The following RXFP1 variants were observed in gnomAD, a reference collection of about 807,000 sequenced individuals.
RXFP1 encodes the protein relaxin receptor 1.
A neutral mutation model predicts 89.8 loss-of-function variants in RXFP1; 73 were observed. That is an observed-to-expected ratio of 0.81 (90% CI 0.67 to 0.99). The LOEUF (loss-of-function observed/expected upper bound fraction) is 0.99. RXFP1 is among the 50% of genes least tolerant of loss of function. The pLI is 0.00. For missense variants in RXFP1, 793 were observed against 895.5 expected (o/e 0.89, Z 1.46); for synonymous variants, 277 against 305.5 (o/e 0.91, Z 0.97).
At position 158,646,787 on chromosome 4, in the gene RXFP1, C is replaced by G; in HGVS notation, c.1346-4C>G. ...CTAAATTTGTGAAACTATGACTCCT[C>G]TAGGTGCCGACTGCTTAATGGGAAT... On this transcript the variant is annotated splice_polypyrimidine_tract_variant and splice_region_variant and intron_variant, in intron 15 of 17. Coordinates refer to ENST00000307765, the MANE Select transcript of RXFP1 (RefSeq NM_021634.4). 1.3e-6 allele frequency: 2 copies of G among 1,589,858 alleles called. No homozygotes were observed. Among genetic ancestry groups the G allele is most frequent in the East Asian group, 4.5e-5 (2 of 44,538 alleles).
At chr4:158,571,675 G>GA (rs200909710) in intron 1 of RXFP1, among the ~76,000 whole-genome samples, 20 of 150,250 alleles carry the variant, frequency 1.3e-4, no homozygotes, top group South Asian at 6.3e-4. Flanking sequence ...AAAGAAAAAA[G>GA]AAAAAAAAAT....
chr4:158,633,316 A>G, intron 11 of RXFP1, 89 bp from the exon 12 acceptor site: 1 of 826,100 alleles, frequency 1.2e-6, no homozygotes. Context: ...GCATTGTTGA[A>G]AAGTTGTATA....
intron 1 of RXFP1, among the ~76,000 whole-genome samples, chr4:158,556,010 A>G (rs947718201): frequency 6.6e-6 from 1 of 152,324 alleles, no homozygotes; most frequent in Non-Finnish European, 1.5e-5. Flanking sequence ...ACTTCACCAC[A>G]TTGGGCTTGG....
chr4:158,568,265 A>G (rs1754180426), intron 1 of RXFP1, among the ~76,000 whole-genome samples: 1 of 152,256 alleles, frequency 6.6e-6, no homozygotes. Context: ...AGTGAGACCA[A>G]GAACCCACCA....
At chr4:158,608,760 G>A (rs1280012108) in intron 6 of RXFP1, among the ~76,000 whole-genome samples, 1 of 151,916 alleles carries the variant, frequency 6.6e-6, no homozygotes, top group East Asian at 1.9e-4. Flanking sequence ...CTCCATATTT[G>A]TTGAATAATA....
chr4:158,635,272 C>A (rs765325588), intron 12 of RXFP1, among the ~76,000 whole-genome samples: 2 of 152,040 alleles, frequency 1.3e-5, no homozygotes, highest in Non-Finnish European at 2.9e-5. Flanking sequence ...GTATATTATT[C>A]TTTTGATGCT....
chr4:158,567,032 C>T (rs1054870126), intron 1 of RXFP1, among the ~76,000 whole-genome samples: 6 of 152,298 alleles, frequency 3.9e-5, no homozygotes, highest in African/African-American at 7.2e-5. Context: ...GGCCAGCACT[C>T]GGAGTGGCCG....
chr4:158,577,337 C>G, intron 2 of RXFP1, among the ~76,000 whole-genome samples: 2 of 152,226 alleles, frequency 1.3e-5, no homozygotes, highest in East Asian at 3.9e-4. Flanking sequence ...CGCACCTGAT[C>G]GGCTGTTCAT....
In RXFP1 at chr4:158,647,077, C is replaced by T. The variant is rs772488242; in HGVS notation, c.1632C>T (p.Phe544=). Residue 544 remains phenylalanine (F), a synonymous_variant, in exon 16 of 18, where the codon TTC becomes TTT. Transcript: ENST00000307765. Reference sequence around the variant, plus strand: ...GGATTACTGGTTTTATAGTGGCTTTCATTCCATTGAGCAATAAGGAATTTT... The same window carrying T: ...GGATTACTGGTTTTATAGTGGCTTTTATTCCATTGAGCAATAAGGAATTTT... ...LIWITGFIVA[F]IPLSNKEFFK... 1.2e-6 allele frequency: 2 copies of T among 1,614,022 alleles called. No individual in the cohort carries two copies. The highest frequency in any genetic ancestry group is 1.7e-5 in the Admixed American group (1 of 60,012).
Position 158,637,206 on chromosome 4 carries a change from G to A in RXFP1, c.972-802G>A, listed in dbSNP as rs1335757048. Among the ~76,000 whole-genome samples, 4 of 152,070 alleles carry A rather than the reference G, an allele frequency of 2.6e-5. No homozygotes were observed. The East Asian group carries it at 5.8e-4, about 22-fold the overall frequency. Reference sequence around the variant, plus strand: ...TATGAATAATGCTGCAATGAATATGGGAGTACAGAAATCTCTTTAATATAC... The same window carrying A: ...TATGAATAATGCTGCAATGAATATGAGAGTACAGAAATCTCTTTAATATAC... On this transcript the variant is annotated intron_variant, in intron 12 of 17. Coordinates refer to ENST00000307765, the MANE Select transcript of RXFP1 (RefSeq NM_021634.4).
intron 1 of RXFP1, among the ~76,000 whole-genome samples, chr4:158,523,594 G>C (rs1741714565): frequency 1.3e-5 from 2 of 152,134 alleles, no homozygotes; most frequent in African/African-American, 4.8e-5. Flanking sequence ...TGTAAGTTGA[G>C]AGCTCCAAGT....
Position 158,640,685 on chromosome 4 carries a change from C to A in RXFP1, c.1115+1354C>A, listed in dbSNP as rs868107959. ...CCCCACCTCCAACATTGGGAATCAA[C>A]TTTTGACATGAGATTTGGAGTAGAC... On this transcript the variant is annotated intron_variant, in intron 14 of 17. Transcript: ENST00000307765. 1.2e-4 allele frequency among the ~76,000 whole-genome samples: 18 copies of A among 152,156 alleles called. 1 individual carries two copies. Among genetic ancestry groups the A allele is most frequent in the African/African-American group, 4.3e-4 (18 of 41,436 alleles).
chr4:158,647,258 T>G, intron 16 of RXFP1, 57 bp downstream of exon 16: 1 of 1,388,700 alleles, frequency 7.2e-7, no homozygotes, highest in South Asian at 1.4e-5. Context: ...TCCAACCAGT[T>G]TTTGTTAGTA....
chr4:158,640,687 T>C (rs1208707764), intron 14 of RXFP1, among the ~76,000 whole-genome samples: 1 of 152,156 alleles, frequency 6.6e-6, no homozygotes, highest in African/African-American at 2.4e-5. Context: ...GGAATCAACT[T>C]TTGACATGAG....
At chr4:158,619,328 G>A (rs1765165225) in intron 9 of RXFP1, among the ~76,000 whole-genome samples, 1 of 152,112 alleles carries the variant, frequency 6.6e-6, no homozygotes, top group African/African-American at 2.4e-5. Flanking sequence ...TAATTTTGTG[G>A]AGCCCATCAG....
intron 2 of RXFP1, among the ~76,000 whole-genome samples, chr4:158,581,903 C>A (rs978434701): frequency 4.6e-5 from 7 of 152,188 alleles, no homozygotes; most frequent in African/African-American, 1.7e-4. Flanking sequence ...AGGCTGCTTC[C>A]ACTCATGGCA....
chr4:158,620,620 A>T (rs1765445635), intron 9 of RXFP1, among the ~76,000 whole-genome samples: 1 of 152,162 alleles, frequency 6.6e-6, no homozygotes, highest in Non-Finnish European at 1.5e-5. Context: ...TTTAAAAGCC[A>T]GAAGGACTAT....
chr4:158,556,756 G>T (rs1364294754), intron 1 of RXFP1, among the ~76,000 whole-genome samples: 1 of 152,068 alleles, frequency 6.6e-6, no homozygotes, highest in African/African-American at 2.4e-5. Context: ...CCATAAAAAA[G>T]AATTAAATCT....
At chr4:158,537,115 A>G (rs1745462550) in intron 1 of RXFP1, among the ~76,000 whole-genome samples, 1 of 151,732 alleles carries the variant, frequency 6.6e-6, no homozygotes. Flanking sequence ...TGTTCATTTG[A>G]TTAACATAGA....
Sources: gnomAD v4.1 joint callset for allele counts (sites outside exome capture counted in the v4.1 genomes callset) on GRCh38, gnomAD v4.1.1 for gene constraint, MANE v1.5 for transcripts, NCBI Gene and HGNC (gene_info 2026-07-23, HGNC 2026-07-21) for gene names.